The following STXBP5L variants were observed in gnomAD, a reference collection of about 807,000 sequenced individuals.
STXBP5L encodes syntaxin binding protein 5L, also known as syntaxin-binding protein 5-like.
Under a neutral mutation model 144.5 loss-of-function variants are expected in STXBP5L, and 65 were observed. The observed-to-expected ratio is 0.45, with a 90% CI of 0.37 to 0.55. The LOEUF (loss-of-function observed/expected upper bound fraction) is 0.55, where lower values mean the gene tolerates loss of function less well. Ranked by LOEUF, STXBP5L falls within the 20% of genes least tolerant of loss-of-function variation. The pLI, the probability that STXBP5L is intolerant of heterozygous loss-of-function variation, is 0.00. For missense variants in STXBP5L, 1,298 were observed against 1,405.5 expected, an observed-to-expected ratio of 0.92 and a Z score of 1.22; for synonymous variants, 505 against 469.6, an observed-to-expected ratio of 1.08 and a Z score of -0.97.
chr3:120,973,144 C>T (rs1039330251), intron 3 of STXBP5L, among the ~76,000 whole-genome samples: 1 of 152,036 alleles, frequency 6.6e-6, no homozygotes, highest in Non-Finnish European at 1.5e-5. Context: ...AGTAGAACCA[C>T]CATAAGTTCT....
In STXBP5L at chr3:121,021,886, C is replaced by T. The variant is rs1357454853; in HGVS notation, c.288-19814C>T. Among the ~76,000 whole-genome samples the T allele has an allele frequency of 3.3e-5, 5 of 151,954 alleles. No homozygotes were observed. In the East Asian group the frequency reaches 9.6e-4, roughly 29 times the overall value. Reference sequence around the variant, plus strand: ...GAAACAAGAACAAACCAAACCAAACCCAAACCCAGCAGAAGAAAAGTCATA... The same window carrying T: ...GAAACAAGAACAAACCAAACCAAACTCAAACCCAGCAGAAGAAAAGTCATA... On this transcript the variant is annotated intron_variant, in intron 3 of 26. Coordinates refer to ENST00000471454, the MANE Select transcript of STXBP5L (RefSeq NM_001308330.2).
At chr3:121,191,165 G>C (rs1328008910) in intron 9 of STXBP5L, among the ~76,000 whole-genome samples, 1 of 152,176 alleles carries the variant, frequency 6.6e-6, no homozygotes, top group Non-Finnish European at 1.5e-5. Flanking sequence ...TGCAATCTCG[G>C]CACTTTGGGA....
intron 5 of STXBP5L, among the ~76,000 whole-genome samples, chr3:121,052,020 G>A (rs914026656): frequency 1.3e-5 from 2 of 152,160 alleles, no homozygotes. Context: ...ACCCTCCCAA[G>A]ACTAAACCAG....
At chr3:121,329,571 T>C (rs2044256428) in intron 20 of STXBP5L, among the ~76,000 whole-genome samples, 1 of 152,174 alleles carries the variant, frequency 6.6e-6, no homozygotes, top group African/African-American at 2.4e-5. Context: ...ATGTCAAGAA[T>C]GTAGTAGGGG....
At chr3:121,292,422 C>A (rs1271033738) in intron 19 of STXBP5L, among the ~76,000 whole-genome samples, 1 of 152,132 alleles carries the variant, frequency 6.6e-6, no homozygotes, top group Non-Finnish European at 1.5e-5. Flanking sequence ...GAAAAGAGAA[C>A]CCTTTTACAC....
intron 5 of STXBP5L, among the ~76,000 whole-genome samples, chr3:121,052,294 AAAG>A (rs1277194231): frequency 2.6e-5 from 4 of 152,168 alleles, no homozygotes; most frequent in Non-Finnish European, 4.4e-5. Context: ...CATAACCAAA[AAAG>A]AGAATTTAAG....
At chr3:120,965,636 G>T (rs948459922) in intron 3 of STXBP5L, among the ~76,000 whole-genome samples, 16 of 152,178 alleles carry the variant, frequency 1.1e-4, no homozygotes, top group African/African-American at 3.4e-4. Context: ...GCTTTCTGCT[G>T]AGAGATCTGT....
At chr3:120,950,432 GT>G (rs1324891566) in intron 2 of STXBP5L, among the ~76,000 whole-genome samples, 1 of 151,972 alleles carries the variant, frequency 6.6e-6, no homozygotes, top group Non-Finnish European at 1.5e-5. Flanking sequence ...GTTTGTATAA[GT>G]TTTGAAATAG....
intron 3 of STXBP5L, among the ~76,000 whole-genome samples, chr3:120,961,133 A>T (rs1398795223): frequency 4.0e-5 from 6 of 151,118 alleles, no homozygotes; most frequent in Non-Finnish European, 7.4e-5. Context: ...ATAGTTTCTA[A>T]TGAGCCTTTG....
intron 19 of STXBP5L, among the ~76,000 whole-genome samples, chr3:121,313,713 G>C (rs2043656559): frequency 1.0e-5 from 1 of 96,046 alleles, no homozygotes; most frequent in Non-Finnish European, 2.2e-5. Context: ...TCCCGGACGG[G>C]GCGGCTGGCC....
chr3:121,186,635 G>A lies in STXBP5L; in HGVS notation c.878-19288G>A, dbSNP rs199670729. On this transcript the variant is annotated intron_variant, in intron 9 of 26. Transcript: ENST00000471454. ...ATGTTGAACCAGCCTTGCATCCCAG[G>A]GATGAAGCCCACTTGATCATGGTGG... Among the ~76,000 whole-genome samples the A allele has an allele frequency of 2.0e-5, 3 of 152,132 alleles. No individual in the cohort carries two copies. The East Asian group carries it at 5.8e-4, about 29-fold the overall frequency.
At chr3:121,297,376 G>A (rs981056909) in intron 19 of STXBP5L, among the ~76,000 whole-genome samples, 16 of 152,066 alleles carry the variant, frequency 1.1e-4, no homozygotes, top group Non-Finnish European at 1.5e-4. Flanking sequence ...TTGAGTGGGG[G>A]GACAAAAGTC....
intron 5 of STXBP5L, among the ~76,000 whole-genome samples, chr3:121,068,647 T>A (rs893143196): frequency 6.6e-6 from 1 of 151,956 alleles, no homozygotes; most frequent in African/African-American, 2.4e-5. Flanking sequence ...TTTGGATTAT[T>A]TTTTTTGTAT....
intron 5 of STXBP5L, among the ~76,000 whole-genome samples, chr3:121,089,704 A>G (rs2042683498): frequency 6.6e-6 from 1 of 151,780 alleles, no homozygotes; most frequent in African/African-American, 2.4e-5. Context: ...CGTTATCCTG[A>G]TAATATGATT....
chr3:120,951,473 C>A (rs1214529235), intron 2 of STXBP5L, among the ~76,000 whole-genome samples: 1 of 149,664 alleles, frequency 6.7e-6, no homozygotes, highest in Non-Finnish European at 1.5e-5. Context: ...AAACAAACAA[C>A]CCCATCAAAA....
intron 3 of STXBP5L, among the ~76,000 whole-genome samples, chr3:121,008,205 T>G (rs1295238237): frequency 6.6e-6 from 1 of 151,998 alleles, no homozygotes; most frequent in Admixed American, 6.6e-5. Context: ...AAGCTTCTCC[T>G]GGACCACTTT....
chr3:121,264,691 A>T (rs1391055989), intron 18 of STXBP5L, among the ~76,000 whole-genome samples: 2 of 152,138 alleles, frequency 1.3e-5, no homozygotes, highest in African/African-American at 2.4e-5. Flanking sequence ...CAAATTGGAT[A>T]AAAAGTCAAG....
chr3:121,072,212 C>A (rs1338694798), intron 5 of STXBP5L, among the ~76,000 whole-genome samples: 1 of 152,218 alleles, frequency 6.6e-6, no homozygotes, highest in Non-Finnish European at 1.5e-5. Context: ...AATGCCTTCA[C>A]CCACCCTGAG....
At chr3:121,273,645 T>C (rs1423790510) in intron 18 of STXBP5L, among the ~76,000 whole-genome samples, 4 of 152,158 alleles carry the variant, frequency 2.6e-5, no homozygotes, top group African/African-American at 7.2e-5. Context: ...GACTATTGGT[T>C]CTCTTGATAG....
Sources: gnomAD v4.1 joint callset for allele counts (sites outside exome capture counted in the v4.1 genomes callset) on GRCh38, gnomAD v4.1.1 for gene constraint, MANE v1.5 for transcripts, NCBI Gene and HGNC (gene_info 2026-07-23, HGNC 2026-07-21) for gene names.